The following TMEM255A variants were observed in gnomAD, a reference collection of about 807,000 sequenced individuals.
TMEM255A encodes the protein transmembrane protein 255A, also known as family with sequence similarity 70, member A.
A neutral mutation model predicts 23.5 loss-of-function variants in TMEM255A; 14 were observed. The ratio of observed to expected loss-of-function variants is 0.60; its 90% CI spans 0.39 to 0.93. The LOEUF (loss-of-function observed/expected upper bound fraction) is 0.93, where lower values mean the gene tolerates loss of function less well. Among genes scored for constraint, TMEM255A ranks in the 40% least tolerant of loss-of-function variants. The pLI is 0.00. For missense variants in TMEM255A, 233 were observed against 261.7 expected, an observed-to-expected ratio of 0.89 and a Z score of 0.76; for synonymous variants, 104 against 100.3, an observed-to-expected ratio of 1.04 and a Z score of -0.22.
chrX:120,274,775 A>G (rs113388527), intron 7 of TMEM255A, among the ~76,000 whole-genome samples: 2 of 112,172 alleles, frequency 1.8e-5, no homozygotes, highest in African/African-American at 6.5e-5. Context: ...ATCTTAAAGT[A>G]AGGAATAAAA....
At chrX:120,304,324 A>T in intron 2 of TMEM255A, 25 bp downstream of exon 2, 1 of 1,193,192 alleles carries the variant, frequency 8.4e-7, no homozygotes, top group East Asian at 3.0e-5. Flanking sequence ...AGCTACTGCG[A>T]CCTACCTGTG....
chrX:120,268,020 G>C (rs2057728738), intron 8 of TMEM255A, among the ~76,000 whole-genome samples: 2 of 111,029 alleles, frequency 1.8e-5, no homozygotes, highest in South Asian at 7.7e-4. Context: ...CCATCTCTCT[G>C]TTTCTTCTCT....
intron 1 of TMEM255A, among the ~76,000 whole-genome samples, chrX:120,305,684 T>G (rs1603404427): frequency 1.2e-5 from 1 of 83,845 alleles, no homozygotes; most frequent in African/African-American, 4.7e-5. Context: ...GGAGAGGGGA[T>G]AGAGGGAGGG....
downstream of TMEM255A, chrX:120,257,744 A>G (rs1385000654): frequency 1.8e-4 from 22 of 123,269 alleles, no homozygotes; most frequent in African/African-American, 6.2e-4. Context: ...CATGTGAAAT[A>G]CTTCTTTGGG....
chrX:120,309,742 C>A (rs1395342675), intron 1 of TMEM255A, among the ~76,000 whole-genome samples: 1 of 111,242 alleles, frequency 9.0e-6, no homozygotes, highest in Non-Finnish European at 1.9e-5. Flanking sequence ...CTCCCTCTCC[C>A]TCTGTATGTG....
intron 7 of TMEM255A, chrX:120,273,034 C>T (rs2057773112): frequency 8.6e-6 from 1 of 115,849 alleles, no homozygotes; most frequent in Non-Finnish European, 1.8e-5. Context: ...GCCACTGCAC[C>T]CGGCCGGGCA....
At chrX:120,304,561 A>C in intron 1 of TMEM255A, 70 bp from the exon 2 acceptor site, 1 of 1,106,575 alleles carries the variant, frequency 9.0e-7, no homozygotes, top group Non-Finnish European at 1.2e-6. Flanking sequence ...AGAAAAAAAC[A>C]CTAAGAAGGT....
chrX:120,254,182 C>T, downstream of TMEM255A: 1 of 1,211,835 alleles, frequency 8.3e-7, no homozygotes, highest in Admixed American at 2.2e-5. Flanking sequence ...GTGAATCAGG[C>T]AACTTTGAGC....
intron 8 of TMEM255A, among the ~76,000 whole-genome samples, chrX:120,264,791 GTTTTATTGTC>G (rs1220101626): frequency 1.2e-4 from 13 of 109,696 alleles, no homozygotes; most frequent in Non-Finnish European, 2.5e-4. Flanking sequence ...GCTTCAGGTG[GTTTTATTGTC>G]AGATCTGGAG....
chrX:120,287,607 C>G (rs1319110015), intron 4 of TMEM255A, among the ~76,000 whole-genome samples: 2 of 110,846 alleles, frequency 1.8e-5, no homozygotes, highest in Non-Finnish European at 3.8e-5. Flanking sequence ...GCAGAGAGAG[C>G]TCAAGTCCAA....
At chrX:120,261,051 T>C in intron 8 of TMEM255A, 23 bp from the exon 9 acceptor site, 4 of 999,171 alleles carry the variant, frequency 4.0e-6, no homozygotes, top group Non-Finnish European at 2.7e-6. Context: ...AAGAAAACGT[T>C]AGTTTAGGCA....
Position 120,267,090 on chromosome X carries a change from G to C in TMEM255A, c.819+1154C>G, listed in dbSNP as rs1318738656. On this transcript the variant is annotated intron_variant, in intron 8 of 8. Transcript: ENST00000371369. Reference sequence around the variant, plus strand: ...AACCTCTGGCATCAATGGGTTAATGGATACCTTTTTGAACTAGTACTATAT... The same window carrying C: ...AACCTCTGGCATCAATGGGTTAATGCATACCTTTTTGAACTAGTACTATAT... 5.4e-5 allele frequency among the ~76,000 whole-genome samples: 6 copies of C among 111,895 alleles called. No individual in the cohort carries two copies. The Admixed American group carries it at 5.7e-4, about 11-fold the overall frequency.
intron 5 of TMEM255A, 140 bp downstream of exon 5, chrX:120,287,014 C>T (rs2057880045): frequency 1.8e-6 from 1 of 551,044 alleles, no homozygotes; most frequent in Non-Finnish European, 3.2e-6. Flanking sequence ...TAGCAATGTG[C>T]TCTGACCCAC....
At position 120,285,200 on chromosome X, in the gene TMEM255A, G is replaced by A; in HGVS notation, c.439C>T (p.Leu147Phe). Residue 147 changes from leucine to phenylalanine, a missense_variant, in exon 6 of 9, where the codon CTC becomes TTC. Transcript: ENST00000371369. ...CGAGGTGTGCAGAATTCACGGCTGA[G>A]GTGAGGGCAGTTAACCTGACGGTAT... ...KEAEEVNCPHLSREFCTPRIR... is the reference protein window; with the variant it reads ...KEAEEVNCPHFSREFCTPRIR... 4.1e-6 allele frequency: 5 copies of A among 1,209,714 alleles called. No individual in the cohort carries two copies. Among genetic ancestry groups the A allele is most frequent in the Non-Finnish European group, 5.6e-6 (5 of 893,541 alleles).
chrX:120,255,003 G>A (rs1556015134), downstream of TMEM255A: 1 of 1,212,025 alleles, frequency 8.3e-7, no homozygotes, highest in South Asian at 1.8e-5. Context: ...CTGTGAGAAG[G>A]TATTTCCTCT....
intron 2 of TMEM255A, among the ~76,000 whole-genome samples, chrX:120,298,330 A>G (rs1215143717): frequency 9.0e-6 from 1 of 111,509 alleles, no homozygotes; most frequent in African/African-American, 3.3e-5. Flanking sequence ...GATCAAGACC[A>G]CTCAGGCTAA....
intron 7 of TMEM255A, among the ~76,000 whole-genome samples, chrX:120,269,822 A>G (rs1350223332): frequency 8.9e-6 from 1 of 112,141 alleles, no homozygotes; most frequent in Non-Finnish European, 1.9e-5. Flanking sequence ...GGGAAGTACC[A>G]GAAATCATGT....
At chrX:120,268,959 C>G (rs961804662) in intron 7 of TMEM255A, among the ~76,000 whole-genome samples, 1 of 111,436 alleles carries the variant, frequency 9.0e-6, no homozygotes, top group Non-Finnish European at 1.9e-5. Flanking sequence ...TGTTCAATCA[C>G]AAAGAATTTG....
chrX:120,296,790 TAATATATATGATATATAA>T (rs2057967664), intron 2 of TMEM255A, among the ~76,000 whole-genome samples: 2 of 11,204 alleles, frequency 1.8e-4, no homozygotes, highest in Non-Finnish European at 3.7e-4. Context: ...ATATCATATA[TAATATATATGATATATAA>T]TATATATCAT....
Sources: allele counts gnomAD v4.1 joint callset (sites outside exome capture counted in the v4.1 genomes callset), GRCh38; gene constraint gnomAD v4.1.1; transcripts MANE v1.5; gene names NCBI Gene and HGNC (gene_info 2026-07-23, HGNC 2026-07-21).